The following SLC16A9 variants were observed in gnomAD, a reference collection of about 807,000 sequenced individuals.
SLC16A9 encodes the protein solute carrier family 16 member 9, also known as monocarboxylate transporter 9.
Under a neutral mutation model 44.3 loss-of-function variants are expected in SLC16A9, and 26 were observed. The ratio of observed to expected loss-of-function variants is 0.59; its 90% CI spans 0.43 to 0.81. The LOEUF is 0.81. Ranked by LOEUF, SLC16A9 falls within the 40% of genes least tolerant of loss-of-function variation. The probability of loss-of-function intolerance (pLI) is 0.00; values close to 1 mark genes in which losing one functional copy is unlikely to be tolerated. For missense variants in SLC16A9, 559 were observed against 595.8 expected (o/e 0.94, Z 0.64); for synonymous variants, 230 against 225.1 (o/e 1.02, Z -0.19).
chr10:59,663,608 G>C (rs12265041), intron 4 of SLC16A9, among the ~76,000 whole-genome samples: 3,958 of 151,922 alleles, frequency 0.026, 162 homozygotes, highest in African/African-American at 0.089. Context: ...GGGCCTGTTG[G>C]GGGGTGGGGG....
intron 1 of SLC16A9, among the ~76,000 whole-genome samples, chr10:59,697,818 T>A: frequency 6.7e-6 from 1 of 149,864 alleles, no homozygotes. Context: ...TTAAATCAAG[T>A]TTGTATCTAA....
intron 4 of SLC16A9, among the ~76,000 whole-genome samples, chr10:59,657,843 C>G (rs1839383939): frequency 6.6e-6 from 1 of 152,158 alleles, no homozygotes; most frequent in Non-Finnish European, 1.5e-5. Flanking sequence ...ACCCAGCCAG[C>G]TGATGGACCC....
chr10:59,695,550 C>T (rs1840352763), intron 1 of SLC16A9, among the ~76,000 whole-genome samples: 1 of 152,068 alleles, frequency 6.6e-6, no homozygotes, highest in Non-Finnish European at 1.5e-5. Context: ...AATACGAGCC[C>T]CCCCACCTCG....
chr10:59,666,619 A>T (rs981351826), intron 3 of SLC16A9, among the ~76,000 whole-genome samples: 5 of 152,222 alleles, frequency 3.3e-5, no homozygotes, highest in African/African-American at 1.2e-4. Flanking sequence ...CAGTAAAAAC[A>T]AACACATTTG....
At chr10:59,673,604 G>A (rs1437460558) in intron 2 of SLC16A9, among the ~76,000 whole-genome samples, 2 of 152,200 alleles carry the variant, frequency 1.3e-5, no homozygotes, top group African/African-American at 4.8e-5. Context: ...TCTGAATTGA[G>A]TTGACAACCT....
intron 4 of SLC16A9, 144 bp from the exon 5 acceptor site, chr10:59,654,733 C>T: frequency 1.5e-6 from 1 of 646,932 alleles, no homozygotes; most frequent in Non-Finnish European, 2.5e-6. Context: ...TAGAAGATAA[C>T]AATAATAACA....
intron 1 of SLC16A9, among the ~76,000 whole-genome samples, chr10:59,693,491 C>G (rs1243586295): frequency 6.6e-6 from 1 of 152,132 alleles, no homozygotes; most frequent in Non-Finnish European, 1.5e-5. Flanking sequence ...TTTGTAAAAT[C>G]ATATTGAGTC....
chr10:59,691,571 C>G (rs1840253361), intron 1 of SLC16A9, among the ~76,000 whole-genome samples: 1 of 152,086 alleles, frequency 6.6e-6, no homozygotes, highest in South Asian at 2.1e-4. Flanking sequence ...CACTATTCAA[C>G]AAAATTAGAT....
At chr10:59,699,605 T>C (rs1292787762) in intron 1 of SLC16A9, among the ~76,000 whole-genome samples, 2 of 152,190 alleles carry the variant, frequency 1.3e-5, no homozygotes, top group Non-Finnish European at 2.9e-5. Flanking sequence ...CCTCATCAGA[T>C]TGTGGTAATA....
rs553232368 is a variant in SLC16A9 at position 59,704,296 on chromosome 10, C to T, written c.-37+5183G>A. Among the ~76,000 whole-genome samples the T allele has an allele frequency of 2.2e-3, 338 of 152,284 alleles. 2 individuals are homozygous for T. The highest frequency in any genetic ancestry group is 7.2e-3 in the African/African-American group (299 of 41,552). On this transcript the variant is annotated intron_variant, in intron 1 of 5. Transcript: ENST00000395348. ...CACACACCTACTACCCAACCACTGCCCCCAGTCTTCTTTGCTCATTTATGA... is the reference window on the plus strand; with the variant it reads ...CACACACCTACTACCCAACCACTGCTCCCAGTCTTCTTTGCTCATTTATGA...
rs1384431695 is a variant in SLC16A9, at chr10:59,683,308, T to C, written c.196+788A>G. ...AAATATTACTGCAGAGTTCAAACTA[T>C]GACTCTAGAAGTTCAAGTGGCATAT... On this transcript the variant is annotated intron_variant, in intron 2 of 5. Transcript: ENST00000395348. Among the ~76,000 whole-genome samples the C allele has an allele frequency of 2.6e-5, 4 of 152,192 alleles. No individual in the cohort carries two copies. The East Asian group carries it at 5.8e-4, about 22-fold the overall frequency.
Position 59,684,077 on chromosome 10 carries a change from C to T in SLC16A9, c.196+19G>A, listed in dbSNP as rs1424529849. ...TAAATGATTAAAGAGTAAAGAGAGG[C>T]ATTAATTTATCCACTTACTTGCAAG... On this transcript the variant is annotated intron_variant, in intron 2 of 5. Transcript: ENST00000395348. 2 of 1,594,386 alleles carry T rather than the reference C, an allele frequency of 1.3e-6. No individual in the cohort carries two copies. The highest frequency in any genetic ancestry group is 1.1e-5 in the South Asian group (1 of 89,348).
chr10:59,672,039 C>A (rs571194703), intron 3 of SLC16A9, among the ~76,000 whole-genome samples: 28 of 152,218 alleles, frequency 1.8e-4, no homozygotes, highest in South Asian at 1.2e-3. Flanking sequence ...TCCTTTCAGG[C>A]ATTAAGAAGA....
At chr10:59,668,536 T>C (rs1182058222) in intron 3 of SLC16A9, among the ~76,000 whole-genome samples, 1 of 152,230 alleles carries the variant, frequency 6.6e-6, no homozygotes, top group Non-Finnish European at 1.5e-5. Context: ...CTACAAGTTA[T>C]ATATTTTCAA....
chr10:59,698,726 G>C (rs1040945934), intron 1 of SLC16A9, among the ~76,000 whole-genome samples: 3 of 151,242 alleles, frequency 2.0e-5, no homozygotes, highest in Non-Finnish European at 4.4e-5. Flanking sequence ...CCAACACTTT[G>C]TCTCTCTTTT....
At chr10:59,657,788 A>G (rs1197449902) in intron 4 of SLC16A9, among the ~76,000 whole-genome samples, 1 of 152,166 alleles carries the variant, frequency 6.6e-6, no homozygotes, top group East Asian at 1.9e-4. Flanking sequence ...CCAATAACCC[A>G]ATGTGATGGG....
chr10:59,693,976 C>T (rs945299383), intron 1 of SLC16A9, among the ~76,000 whole-genome samples: 3 of 151,380 alleles, frequency 2.0e-5, no homozygotes, highest in Admixed American at 6.6e-5. Context: ...CTCGCTCTGT[C>T]GCCCAGGCTG....
In SLC16A9 at chr10:59,678,546, C is replaced by CTTTTTTTTTTTTTTTTTTT. The variant is rs751112027; in HGVS notation, c.196+5549_196+5550insAAAAAAAAAAAAAAAAAAA. Among the ~76,000 whole-genome samples, 86 of 30,600 alleles carry CTTTTTTTTTTTTTTTTTTT rather than the reference C, an allele frequency of 2.8e-3. 21 individuals carry two copies. The highest frequency in any genetic ancestry group is 5.2e-3 in the African/African-American group (59 of 11,272). The allele number at this position is 30,600 out of a possible 152,430, so 20.1% of individuals were successfully genotyped here. Reference sequence around the variant, plus strand: ...ATCTTTTTTTTTTCTTTTTCTTTTTCTTTTTTTTGAGACGGAGTCTCGCTC... The same window carrying CTTTTTTTTTTTTTTTTTTT: ...ATCTTTTTTTTTTCTTTTTCTTTTTCTTTTTTTTTTTTTTTTTTTTTTTTTTTGAGACGGAGTCTCGCTC... On this transcript the variant is annotated intron_variant, in intron 2 of 5. Coordinates refer to ENST00000395348, the MANE Select transcript of SLC16A9 (RefSeq NM_194298.3).
At chr10:59,664,071 G>A (rs1839549098) in intron 4 of SLC16A9, among the ~76,000 whole-genome samples, 156 bp downstream of exon 4, 1 of 150,738 alleles carries the variant, frequency 6.6e-6, no homozygotes, top group African/African-American at 2.4e-5. Context: ...CATATTTATG[G>A]TGTAAAATAA....
Sources: allele counts gnomAD v4.1 joint callset (sites outside exome capture counted in the v4.1 genomes callset), GRCh38; gene constraint gnomAD v4.1.1; transcripts MANE v1.5; gene names NCBI Gene and HGNC (gene_info 2026-07-23, HGNC 2026-07-21).